PPM1E: variants seen among roughly 807,000 people sequenced by gnomAD.
PPM1E encodes protein phosphatase, Mg2+/Mn2+ dependent 1E, also known as protein phosphatase 1E.
Under a neutral mutation model 65.9 loss-of-function variants are expected in PPM1E, and 20 were observed. That is an observed-to-expected ratio of 0.30 (90% CI 0.21 to 0.44). PPM1E has a LOEUF of 0.44. Ranked by LOEUF, PPM1E falls within the 20% of genes least tolerant of loss-of-function variation. PPM1E has a pLI of 1.00. For missense variants in PPM1E, 713 were observed against 953.1 expected (o/e 0.75, Z 3.32); for synonymous variants, 352 against 374.9 (o/e 0.94, Z 0.70).
intron 1 of PPM1E, among the ~76,000 whole-genome samples, chr17:58,831,357 G>A (rs925305542): frequency 1.3e-5 from 2 of 152,174 alleles, no homozygotes; most frequent in Admixed American, 6.5e-5. Context: ...AGCATTTTGG[G>A]AACTGAGTAA....
intron 1 of PPM1E, among the ~76,000 whole-genome samples, chr17:58,948,085 G>A (rs368825036): frequency 6.6e-6 from 1 of 152,116 alleles, no homozygotes; most frequent in Non-Finnish European, 1.5e-5. Context: ...GGGAAGCCAC[G>A]TGGCCTTTTA....
chr17:58,804,326 T>C (rs2050285321), intron 1 of PPM1E, among the ~76,000 whole-genome samples: 1 of 152,240 alleles, frequency 6.6e-6, no homozygotes, highest in Non-Finnish European at 1.5e-5. Flanking sequence ...ATAGGTGATA[T>C]CTATCATAAG....
Position 58,778,927 on chromosome 17 carries a change from C to CATATATATATATATAT in PPM1E, c.464+22485_464+22500dup, listed in dbSNP as rs59563297. 3.2e-3 allele frequency among the ~76,000 whole-genome samples: 334 copies of CATATATATATATATAT among 103,660 alleles called. 9 individuals are homozygous for CATATATATATATATAT. The highest frequency in any genetic ancestry group is 7.5e-3 in the Middle Eastern group (1 of 134). The allele number at this position is 103,660 out of a possible 152,430, so 68.0% of individuals were successfully genotyped here. A position where few individuals can be genotyped will look rare whatever the true frequency, so the allele number is the denominator to read the frequency against. The stretch of plus-strand genomic sequence containing the variant: ...TATAACTAAATTGAGATGATACATA[C>CATATATATATATATAT]ATATATATATATATATATATATATA... On this transcript the variant is annotated intron_variant, in intron 1 of 6. Coordinates refer to ENST00000308249, the MANE Select transcript of PPM1E (RefSeq NM_014906.5).
At chr17:58,858,223 A>G (rs2050903752) in intron 1 of PPM1E, among the ~76,000 whole-genome samples, 1 of 152,134 alleles carries the variant, frequency 6.6e-6, no homozygotes, top group African/African-American at 2.4e-5. Context: ...TTTATGGGGT[A>G]CATAGTGATG....
intron 1 of PPM1E, among the ~76,000 whole-genome samples, chr17:58,765,455 C>T (rs1040235284): frequency 2.6e-5 from 4 of 151,762 alleles, no homozygotes; most frequent in African/African-American, 7.3e-5. Flanking sequence ...GGATTACAGG[C>T]GTGAGTCACC....
chr17:58,906,864 G>A (rs953512975), intron 1 of PPM1E, among the ~76,000 whole-genome samples: 2 of 151,862 alleles, frequency 1.3e-5, no homozygotes, highest in Admixed American at 1.3e-4. Flanking sequence ...ATTTTAATAA[G>A]CTGTGCTTTC....
chr17:58,861,390 C>T (rs1423132419), intron 1 of PPM1E, among the ~76,000 whole-genome samples: 2 of 152,126 alleles, frequency 1.3e-5, no homozygotes, highest in Non-Finnish European at 2.9e-5. Context: ...TAGATACAGG[C>T]CTGGTTCAGT....
intron 1 of PPM1E, among the ~76,000 whole-genome samples, chr17:58,780,684 A>T (rs925357965): frequency 6.6e-6 from 1 of 152,212 alleles, no homozygotes; most frequent in South Asian, 2.1e-4. Flanking sequence ...AGTCTATAAG[A>T]TGTCTTAAAA....
intron 1 of PPM1E, among the ~76,000 whole-genome samples, chr17:58,836,803 C>G (rs532849928): frequency 6.8e-6 from 1 of 147,998 alleles, no homozygotes; most frequent in Non-Finnish European, 1.5e-5. Flanking sequence ...GGGCGGATCA[C>G]GAGGTCAGGA....
intron 1 of PPM1E, among the ~76,000 whole-genome samples, chr17:58,843,863 G>A (rs2050745509): frequency 6.6e-6 from 1 of 152,134 alleles, no homozygotes; most frequent in Non-Finnish European, 1.5e-5. Context: ...GTGAAACAAT[G>A]AAGATTGTAG....
intron 1 of PPM1E, among the ~76,000 whole-genome samples, chr17:58,780,089 G>C (rs1002164366): frequency 6.6e-6 from 1 of 152,152 alleles, no homozygotes; most frequent in Non-Finnish European, 1.5e-5. Flanking sequence ...GTATATTTTA[G>C]TAGAATAGAT....
At chr17:58,870,609 A>C (rs1258028461) in intron 1 of PPM1E, among the ~76,000 whole-genome samples, 1 of 152,226 alleles carries the variant, frequency 6.6e-6, no homozygotes, top group Admixed American at 6.5e-5. Context: ...TAATTCACTT[A>C]GGATAATGAG....
chr17:58,932,540 A>T (rs1303163214), intron 1 of PPM1E, among the ~76,000 whole-genome samples: 2 of 152,234 alleles, frequency 1.3e-5, no homozygotes, highest in Non-Finnish European at 2.9e-5. Flanking sequence ...AACATAAATT[A>T]TAAAAACAAA....
chr17:58,850,368 G>A (rs1337250890), intron 1 of PPM1E, among the ~76,000 whole-genome samples: 4 of 152,068 alleles, frequency 2.6e-5, no homozygotes, highest in African/African-American at 7.2e-5. Context: ...TTTCTTCCTC[G>A]CATCGATGGT....
At chr17:58,760,041 A>G (rs574403623) in intron 1 of PPM1E, among the ~76,000 whole-genome samples, 1 of 152,308 alleles carries the variant, frequency 6.6e-6, no homozygotes, top group East Asian at 1.9e-4. Flanking sequence ...AAAGAGGAAA[A>G]ATACCATTCA....
At chr17:58,952,141 G>A (rs1339023974) in intron 1 of PPM1E, among the ~76,000 whole-genome samples, 3 of 152,186 alleles carry the variant, frequency 2.0e-5, no homozygotes, top group African/African-American at 7.2e-5. Context: ...GTATCCCAAT[G>A]GCCTAGGCTG....
intron 1 of PPM1E, among the ~76,000 whole-genome samples, chr17:58,771,109 C>A (rs950458856): frequency 6.6e-6 from 1 of 151,754 alleles, no homozygotes; most frequent in Non-Finnish European, 1.5e-5. Context: ...CCCACCTTGG[C>A]CTCCCAAAGT....
Position 58,778,033 on chromosome 17 carries a change from G to C in PPM1E, c.464+21572G>C, listed in dbSNP as rs193020112. Reference sequence around the variant, plus strand: ...CAGCCTCGGCCTCTGGGTCTCAATCGGTCTTCCCATCTCAGCCTCCTGAGT... The same window carrying C: ...CAGCCTCGGCCTCTGGGTCTCAATCCGTCTTCCCATCTCAGCCTCCTGAGT... On this transcript the variant is annotated intron_variant, in intron 1 of 6. Transcript: ENST00000308249. Among the ~76,000 whole-genome samples, 682 of 151,588 alleles carry C rather than the reference G, an allele frequency of 4.5e-3. 3 individuals are homozygous for C. The highest frequency in any genetic ancestry group is 0.016 in the African/African-American group (646 of 41,280).
intron 1 of PPM1E, among the ~76,000 whole-genome samples, chr17:58,775,484 C>T (rs1381810669): frequency 6.6e-6 from 1 of 152,068 alleles, no homozygotes; most frequent in African/African-American, 2.4e-5. Flanking sequence ...ATCAGATCTT[C>T]CAGCAGTTAC....
Sources: allele counts gnomAD v4.1 joint callset (sites outside exome capture counted in the v4.1 genomes callset), GRCh38; gene constraint gnomAD v4.1.1; transcripts MANE v1.5; gene names NCBI Gene and HGNC (gene_info 2026-07-23, HGNC 2026-07-21).